Variants in SNX29 observed in about 807,000 individuals in gnomAD.
The protein encoded by SNX29 is sorting nexin 29.
In SNX29, 78 loss-of-function variants were observed where a neutral mutation model predicts 102.1. The observed-to-expected ratio is 0.76, with a 90% CI of 0.64 to 0.92. SNX29 has a LOEUF of 0.92. Among genes scored for constraint, SNX29 ranks in the 40% least tolerant of loss-of-function variants. The probability of loss-of-function intolerance (pLI) is 0.00; values close to 1 mark genes in which losing one functional copy is unlikely to be tolerated. For synonymous variants in SNX29, 580 were observed against 414.5 expected, an observed-to-expected ratio of 1.40 and a Z score of -4.85; for missense variants, 1,280 against 1,061.7, an observed-to-expected ratio of 1.21 and a Z score of -2.86.
At chr16:12,212,880 G>T (rs757106368) in intron 14 of SNX29, among the ~76,000 whole-genome samples, 4 of 152,292 alleles carry the variant, frequency 2.6e-5, no homozygotes, top group African/African-American at 9.6e-5. Flanking sequence ...TTGGGAGGCC[G>T]AGGTGGTTGA....
intron 11 of SNX29, among the ~76,000 whole-genome samples, chr16:12,116,371 A>G (rs2053702865): frequency 1.3e-5 from 2 of 152,224 alleles, no homozygotes; most frequent in South Asian, 4.1e-4. Flanking sequence ...AACATGATTC[A>G]GCTATAAAAG....
chr16:12,453,259 A>G (rs2086386787), intron 18 of SNX29, among the ~76,000 whole-genome samples: 1 of 152,116 alleles, frequency 6.6e-6, no homozygotes, highest in Non-Finnish European at 1.5e-5. Flanking sequence ...TTCTCATCGA[A>G]CTCAGATGCA....
intron 15 of SNX29, among the ~76,000 whole-genome samples, chr16:12,308,357 G>T (rs2080412939): frequency 6.6e-6 from 1 of 152,200 alleles, no homozygotes; most frequent in Non-Finnish European, 1.5e-5. Context: ...GGGGTGTGGG[G>T]TATTTACGGA....
intron 18 of SNX29, among the ~76,000 whole-genome samples, chr16:12,419,071 A>G (rs950562173): frequency 6.6e-6 from 1 of 152,156 alleles, no homozygotes; most frequent in African/African-American, 2.4e-5. Context: ...AACAGAGAAT[A>G]TCCTATCCCA....
chr16:12,194,010 GTCTATA>G (rs1185286417), intron 13 of SNX29, among the ~76,000 whole-genome samples: 1 of 152,284 alleles, frequency 6.6e-6, no homozygotes, highest in South Asian at 2.1e-4. Flanking sequence ...CAATCTGCTA[GTCTATA>G]TCTATAAGAA....
At position 12,152,660 on chromosome 16, in the gene SNX29, A is replaced by T. The variant is rs749347184; in HGVS notation, c.1595+22902A>T. On this transcript the variant is annotated intron_variant, in intron 13 of 20. Coordinates refer to ENST00000566228, the MANE Select transcript of SNX29 (RefSeq NM_032167.5). ...AAAAAGACTGACCTGTACTAGTAGC[A>T]ACTTTGCTGACCAGTCAGGCTGAGA... is the stretch of plus-strand genomic sequence containing the variant. 5.5e-4 allele frequency among the ~76,000 whole-genome samples: 83 copies of T among 152,228 alleles called. 1 individual carries two copies. The highest frequency in any genetic ancestry group is 1.3e-4 in the Admixed American group (2 of 15,286).
chr16:12,316,371 C>G (rs188273880), intron 15 of SNX29, among the ~76,000 whole-genome samples: 4 of 152,066 alleles, frequency 2.6e-5, no homozygotes, highest in Admixed American at 6.6e-5. Context: ...GGGGAAACCC[C>G]GTCTCTATTA....
chr16:12,450,635 G>A (rs998577232), intron 18 of SNX29, among the ~76,000 whole-genome samples: 2 of 152,188 alleles, frequency 1.3e-5, no homozygotes, highest in Admixed American at 1.3e-4. Flanking sequence ...GTCAGGCCAC[G>A]GTTACCAAAG....
In SNX29 at chr16:12,545,427, C is replaced by G. The variant is rs567119134; in HGVS notation, c.2318+20586C>G. 5.2e-5 allele frequency: 8 copies of G among 152,402 alleles called. No homozygotes were observed. In the South Asian group the frequency reaches 8.3e-4, roughly 16 times the overall value. 9.4% of individuals were successfully genotyped at this position (152,402 alleles called of 1,614,324 possible). ...AACCGGGTCCTGCCTGGCCCCACCC[C>G]TAGGATTGTTCCTTCCAGGGCTTGT... On this transcript the variant is annotated intron_variant, in intron 20 of 20. Coordinates refer to ENST00000566228, the MANE Select transcript of SNX29 (RefSeq NM_032167.5).
chr16:11,991,826 T>G (rs1369441874), intron 1 of SNX29, among the ~76,000 whole-genome samples: 1 of 151,898 alleles, frequency 6.6e-6, no homozygotes, highest in African/African-American at 2.4e-5. Flanking sequence ...GTGCTGGGAT[T>G]ACAGGCATGA....
intron 18 of SNX29, among the ~76,000 whole-genome samples, chr16:12,422,457 C>T (rs1048816154): frequency 1.3e-5 from 2 of 152,228 alleles, no homozygotes; most frequent in Admixed American, 1.3e-4. Context: ...CTTCGACAGT[C>T]TAGCAAGTAA....
chr16:12,363,847 GTTGAGCA>G (rs1448657302), intron 16 of SNX29, among the ~76,000 whole-genome samples: 1 of 152,146 alleles, frequency 6.6e-6, no homozygotes, highest in Non-Finnish European at 1.5e-5. Flanking sequence ...ATACTTGTGG[GTTGAGCA>G]TCCCTAATCC....
chr16:12,144,289 A>C (rs1386249392), intron 13 of SNX29, among the ~76,000 whole-genome samples: 1 of 152,208 alleles, frequency 6.6e-6, no homozygotes, highest in Non-Finnish European at 1.5e-5. Context: ...AGTATGACCC[A>C]CTGCAACAAT....
At chr16:12,487,065 T>G (rs557987278) in intron 19 of SNX29, among the ~76,000 whole-genome samples, 8 of 152,304 alleles carry the variant, frequency 5.3e-5, no homozygotes, top group African/African-American at 1.9e-4. Context: ...TGTGCCTGTT[T>G]CCCCTTTTAT....
At chr16:12,547,958 A>C (rs1044101549) in intron 20 of SNX29, among the ~76,000 whole-genome samples, 26 of 152,154 alleles carry the variant, frequency 1.7e-4, no homozygotes, top group Admixed American at 1.4e-3. Flanking sequence ...CAAGGTGCTC[A>C]GTCTTTTGGG....
intron 3 of SNX29, among the ~76,000 whole-genome samples, chr16:12,017,317 A>G (rs1318055210): frequency 6.6e-6 from 1 of 152,158 alleles, no homozygotes; most frequent in Non-Finnish European, 1.5e-5. Context: ...GAGATTGAGT[A>G]TCTTTTCTTA....
At chr16:12,549,443 T>G (rs8057255) in intron 20 of SNX29, among the ~76,000 whole-genome samples, 1 of 151,954 alleles carries the variant, frequency 6.6e-6, no homozygotes, top group Non-Finnish European at 1.5e-5. Context: ...TGCAGTGACC[T>G]AAGATTGCAC....
intron 13 of SNX29, among the ~76,000 whole-genome samples, chr16:12,131,994 T>C (rs1356754599): frequency 6.6e-6 from 1 of 152,196 alleles, no homozygotes; most frequent in Non-Finnish European, 1.5e-5. Context: ...TGCCTGGCCA[T>C]GCTAGAGTTT....
intron 15 of SNX29, among the ~76,000 whole-genome samples, chr16:12,319,923 T>C (rs1180045270): frequency 1.3e-5 from 2 of 152,186 alleles, no homozygotes; most frequent in East Asian, 3.9e-4. Flanking sequence ...GCAGGTTTCT[T>C]CAGCCTCCCA....
Sources: allele counts gnomAD v4.1 joint callset (sites outside exome capture counted in the v4.1 genomes callset), GRCh38; gene constraint gnomAD v4.1.1; transcripts MANE v1.5; gene names NCBI Gene and HGNC (gene_info 2026-07-23, HGNC 2026-07-21).